The following CA10 variants were observed in gnomAD, a reference collection of about 807,000 sequenced individuals.
CA10 encodes the protein carbonic anhydrase-related protein 10.
Under a neutral mutation model 44.2 loss-of-function variants are expected in CA10, and 14 were observed. The observed-to-expected ratio is 0.32, with a 90% CI of 0.21 to 0.50. CA10 has a LOEUF of 0.50. Among genes scored for constraint, CA10 ranks in the 20% least tolerant of loss-of-function variants. CA10 has a pLI of 0.99. For missense variants in CA10, 350 were observed against 409.7 expected (o/e 0.85, Z 1.26); for synonymous variants, 159 against 141.6 (o/e 1.12, Z -0.87).
intron 3 of CA10, among the ~76,000 whole-genome samples, chr17:51,805,768 C>A (rs1213295609): frequency 2.0e-5 from 3 of 152,168 alleles, no homozygotes; most frequent in Non-Finnish European, 4.4e-5. Flanking sequence ...TACAGTAACT[C>A]CCCACTCCCA....
chr17:51,930,784 G>A (rs1163926967), intron 3 of CA10, among the ~76,000 whole-genome samples: 1 of 152,118 alleles, frequency 6.6e-6, no homozygotes, highest in African/African-American at 2.4e-5. Flanking sequence ...GAGGTACAGA[G>A]TAATCAGAAG....
chr17:51,998,167 T>C (rs1985300822), intron 2 of CA10, among the ~76,000 whole-genome samples: 1 of 152,110 alleles, frequency 6.6e-6, no homozygotes, highest in African/African-American at 2.4e-5. Context: ...AAGCCTATGT[T>C]CTTTACAGAA....
chr17:52,113,044 C>G (rs564244834), intron 1 of CA10, among the ~76,000 whole-genome samples: 1 of 152,204 alleles, frequency 6.6e-6, no homozygotes, highest in South Asian at 2.1e-4. Flanking sequence ...GCCAGCCTAA[C>G]AACCCTGGCA....
chr17:52,115,713 G>A (rs763420343), intron 1 of CA10, among the ~76,000 whole-genome samples: 100 of 152,188 alleles, frequency 6.6e-4, no homozygotes, highest in African/African-American at 1.9e-3. Context: ...AGGGCCCTGC[G>A]TGGCTGGCTG....
chr17:51,636,480 G>A (rs77095596), intron 6 of CA10, among the ~76,000 whole-genome samples: 1 of 152,316 alleles, frequency 6.6e-6, no homozygotes, highest in East Asian at 1.9e-4. Context: ...TGATGTTGGG[G>A]ATGCGAGGAA....
chr17:51,849,143 T>G (rs1409024291), intron 3 of CA10, among the ~76,000 whole-genome samples: 1 of 132,078 alleles, frequency 7.6e-6, no homozygotes, highest in Non-Finnish European at 1.6e-5. Flanking sequence ...AAACTTAGTT[T>G]TTTATATATA....
At chr17:51,709,973 C>G (rs185859475) in intron 4 of CA10, among the ~76,000 whole-genome samples, 201 of 152,332 alleles carry the variant, frequency 1.3e-3, no homozygotes, top group African/African-American at 4.7e-3. Flanking sequence ...GCAAACTAAT[C>G]TGAACTGCAG....
intron 3 of CA10, among the ~76,000 whole-genome samples, chr17:51,827,246 C>T (rs550330952): frequency 4.8e-4 from 73 of 152,142 alleles, no homozygotes; most frequent in Middle Eastern, 3.4e-3. Context: ...ATATCACTAC[C>T]ACCCCCTTTT....
intron 3 of CA10, among the ~76,000 whole-genome samples, chr17:51,862,253 G>A (rs1332414872): frequency 6.6e-6 from 1 of 152,194 alleles, no homozygotes; most frequent in Non-Finnish European, 1.5e-5. Flanking sequence ...TATTAGTGAA[G>A]CTTAAGTTGG....
intron 3 of CA10, among the ~76,000 whole-genome samples, chr17:51,908,664 A>G (rs1165836847): frequency 6.6e-6 from 1 of 152,168 alleles, no homozygotes; most frequent in Non-Finnish European, 1.5e-5. Context: ...AGCTAAGTAT[A>G]CTGACCACAT....
intron 3 of CA10, among the ~76,000 whole-genome samples, chr17:51,874,439 C>T (rs1198992603): frequency 1.3e-5 from 2 of 149,746 alleles, no homozygotes; most frequent in Non-Finnish European, 3.0e-5. Flanking sequence ...CCTTTATCTG[C>T]TCTTTTATTC....
chr17:51,714,307 G>A (rs534348507), intron 4 of CA10, among the ~76,000 whole-genome samples: 10 of 152,274 alleles, frequency 6.6e-5, no homozygotes, highest in Middle Eastern at 3.4e-3. Flanking sequence ...ACTGAGTTCC[G>A]TCATTTGCAA....
chr17:51,754,306 G>A (rs1904999620), intron 3 of CA10, among the ~76,000 whole-genome samples: 1 of 148,630 alleles, frequency 6.7e-6, no homozygotes, highest in Non-Finnish European at 1.5e-5. Flanking sequence ...GTGTGTGTGT[G>A]TGTGTGTGTG....
In CA10 at chr17:51,897,849, A is replaced by C. The variant is rs140391072; in HGVS notation, c.279+33141T>G. Among the ~76,000 whole-genome samples, 442 of 151,998 alleles carry C rather than the reference A, an allele frequency of 2.9e-3. 11 individuals carry two copies. The East Asian group carries it at 0.062, about 21-fold the overall frequency. On this transcript the variant is annotated intron_variant, in intron 3 of 8. Transcript: ENST00000451037. ...GCTGTTGTGAATAAGATCATGTTCT[A>C]GATTTGACTGTCAGCTTGGATGTTA...
intron 2 of CA10, among the ~76,000 whole-genome samples, chr17:52,028,190 T>C (rs1410589437): frequency 6.6e-6 from 1 of 152,176 alleles, no homozygotes; most frequent in Non-Finnish European, 1.5e-5. Flanking sequence ...ATTAACAAAA[T>C]GCAGAGGCTG....
intron 4 of CA10, among the ~76,000 whole-genome samples, chr17:51,727,278 A>G (rs2143548261): frequency 6.6e-6 from 1 of 152,318 alleles, no homozygotes; most frequent in Non-Finnish European, 1.5e-5. Flanking sequence ...TTAATTCTTC[A>G]GGAGGAAAGG....
intron 1 of CA10, among the ~76,000 whole-genome samples, chr17:52,112,112 A>G (rs943327840): frequency 1.3e-5 from 2 of 152,232 alleles, no homozygotes; most frequent in Admixed American, 6.5e-5. Context: ...GTGTAAAACA[A>G]GTGGACCTAC....
chr17:52,014,971 T>C (rs1985922869), intron 2 of CA10, among the ~76,000 whole-genome samples: 1 of 151,888 alleles, frequency 6.6e-6, no homozygotes, highest in Non-Finnish European at 1.5e-5. Flanking sequence ...ATCAAATAAA[T>C]AAACTATACC....
At chr17:51,671,193 G>C (rs574519472) in intron 4 of CA10, among the ~76,000 whole-genome samples, 1 of 152,152 alleles carries the variant, frequency 6.6e-6, no homozygotes, top group East Asian at 1.9e-4. Flanking sequence ...ATTGGGGGCC[G>C]GCCTTTGGCT....
Sources: allele counts gnomAD v4.1 joint callset (sites outside exome capture counted in the v4.1 genomes callset), GRCh38; gene constraint gnomAD v4.1.1; transcripts MANE v1.5; gene names NCBI Gene and HGNC (gene_info 2026-07-23, HGNC 2026-07-21).